Variants in CHRM3 observed in about 807,000 individuals in gnomAD.
CHRM3 encodes cholinergic receptor muscarinic 3, also known as muscarinic acetylcholine receptor M3.
Under a neutral mutation model 41.8 loss-of-function variants are expected in CHRM3, and 11 were observed. That is an observed-to-expected ratio of 0.26 (90% CI 0.17 to 0.44). The LOEUF is 0.44. Ranked by LOEUF, CHRM3 falls within the 20% of genes least tolerant of loss-of-function variation. The probability of loss-of-function intolerance (pLI) is 1.00; values close to 1 mark genes in which losing one functional copy is unlikely to be tolerated. For missense variants in CHRM3, 571 were observed against 745.4 expected (o/e 0.77, Z 2.72); for synonymous variants, 297 against 301.4 (o/e 0.99, Z 0.15).
intron 2 of CHRM3, among the ~76,000 whole-genome samples, chr1:239,526,766 A>G (rs938873831): frequency 6.6e-6 from 1 of 152,172 alleles, no homozygotes; most frequent in Non-Finnish European, 1.5e-5. Context: ...CACCCATATC[A>G]GTAACCACAT....
intron 5 of CHRM3, among the ~76,000 whole-genome samples, chr1:239,766,202 G>A (rs557002944): frequency 2.6e-5 from 4 of 152,188 alleles, no homozygotes; most frequent in East Asian, 1.9e-4. Flanking sequence ...CTGAAGCCCC[G>A]AGGGCTTATT....
chr1:239,857,115 G>A (rs1675185764), intron 6 of CHRM3, among the ~76,000 whole-genome samples: 1 of 152,172 alleles, frequency 6.6e-6, no homozygotes, highest in African/African-American at 2.4e-5. Context: ...TGCTTAGGAG[G>A]CTGTTTGATG....
rs528879793 is a variant in CHRM3 at position 239,723,797 on chromosome 1, C to T, written c.-147+45509C>T. Among the ~76,000 whole-genome samples, 6 of 151,928 alleles carry T rather than the reference C, an allele frequency of 3.9e-5. No homozygotes were observed. In the South Asian group the frequency reaches 8.3e-4, roughly 21 times the overall value. On this transcript the variant is annotated intron_variant, in intron 5 of 6. Transcript: ENST00000676153. ...ATACGTTTTAAGGCCCTCCTCTTCT[C>T]ACCATTTAGCCTCTTGGGATTCTAG...
chr1:239,834,869 A>G (rs1009822622), intron 6 of CHRM3, among the ~76,000 whole-genome samples: 26 of 152,318 alleles, frequency 1.7e-4, no homozygotes, highest in African/African-American at 6.0e-4. Flanking sequence ...GTACACCTTG[A>G]ATATATTTTC....
At chr1:239,458,027 T>C (rs1665082065) in intron 1 of CHRM3, among the ~76,000 whole-genome samples, 1 of 151,540 alleles carries the variant, frequency 6.6e-6, no homozygotes, top group Non-Finnish European at 1.5e-5. Flanking sequence ...GGAAAGTACG[T>C]GCCACAGGCC....
At chr1:239,647,366 C>A (rs993926858) in intron 4 of CHRM3, among the ~76,000 whole-genome samples, 1 of 152,084 alleles carries the variant, frequency 6.6e-6, no homozygotes, top group South Asian at 2.1e-4. Flanking sequence ...TACTATTGAC[C>A]TTTTGAAATT....
intron 5 of CHRM3, among the ~76,000 whole-genome samples, chr1:239,742,610 G>A (rs979592864): frequency 6.6e-5 from 10 of 152,132 alleles, no homozygotes; most frequent in East Asian, 5.8e-4. Context: ...AAGTCACACC[G>A]CCAGCCCCAC....
At chr1:239,502,845 G>A (rs1022540837) in intron 2 of CHRM3, among the ~76,000 whole-genome samples, 10 of 152,130 alleles carry the variant, frequency 6.6e-5, no homozygotes, top group African/African-American at 2.4e-4. Flanking sequence ...AAAAGCATTT[G>A]ACAAAATCCA....
At chr1:239,770,542 G>A (rs1572238012) in intron 5 of CHRM3, among the ~76,000 whole-genome samples, 2 of 152,130 alleles carry the variant, frequency 1.3e-5, no homozygotes, top group Admixed American at 1.3e-4. Context: ...CGATTTTAAG[G>A]GTTCAAGGAT....
intron 3 of CHRM3, among the ~76,000 whole-genome samples, chr1:239,591,933 A>G (rs774965017): frequency 6.6e-6 from 1 of 152,220 alleles, no homozygotes; most frequent in Non-Finnish European, 1.5e-5. Context: ...GCTTAGGCCC[A>G]GGAAATAAAA....
intron 4 of CHRM3, among the ~76,000 whole-genome samples, chr1:239,649,703 G>A (rs61834783): frequency 0.028 from 4,190 of 152,196 alleles, 91 homozygotes; most frequent in Admixed American, 0.056. Context: ...TGAGAAAGAG[G>A]ACTACTGCAG....
chr1:239,466,765 C>A (rs1665760110), intron 1 of CHRM3, among the ~76,000 whole-genome samples: 1 of 151,980 alleles, frequency 6.6e-6, no homozygotes, highest in African/African-American at 2.4e-5. Flanking sequence ...TATCTAGCCG[C>A]ATTTAGTATT....
chr1:239,680,405 T>G (rs1658443311), intron 5 of CHRM3, among the ~76,000 whole-genome samples: 1 of 152,122 alleles, frequency 6.6e-6, no homozygotes, highest in Non-Finnish European at 1.5e-5. Flanking sequence ...CAGTACCTTC[T>G]GCTTGGTCTT....
At chr1:239,679,386 T>C (rs528424311) in intron 5 of CHRM3, among the ~76,000 whole-genome samples, 29 of 152,152 alleles carry the variant, frequency 1.9e-4, no homozygotes, top group South Asian at 1.7e-3. Context: ...AGGTGTGAGC[T>C]CAAGACCTAA....
At chr1:239,459,843 C>A (rs1019562776) in intron 1 of CHRM3, among the ~76,000 whole-genome samples, 2 of 152,080 alleles carry the variant, frequency 1.3e-5, no homozygotes, top group Non-Finnish European at 2.9e-5. Context: ...AATGTAAATG[C>A]ATTAACAGAT....
intron 2 of CHRM3, among the ~76,000 whole-genome samples, chr1:239,498,102 G>A (rs553543716): frequency 3.3e-4 from 50 of 152,144 alleles, no homozygotes; most frequent in Non-Finnish European, 6.2e-4. Context: ...TGAGGTCCTA[G>A]TAGCGGGAAC....
At chr1:239,515,987 T>G (rs939609650) in intron 2 of CHRM3, among the ~76,000 whole-genome samples, 7 of 152,218 alleles carry the variant, frequency 4.6e-5, no homozygotes, top group African/African-American at 1.7e-4. Flanking sequence ...TGGTAATCTA[T>G]CTTTTACTAT....
intron 6 of CHRM3, among the ~76,000 whole-genome samples, chr1:239,841,031 G>T (rs1016888331): frequency 6.6e-6 from 1 of 152,130 alleles, no homozygotes; most frequent in African/African-American, 2.4e-5. Flanking sequence ...TTGCTCAGAG[G>T]CCATCCACCC....
At chr1:239,530,064 A>AT (rs1572614608) in intron 2 of CHRM3, among the ~76,000 whole-genome samples, 1 of 151,648 alleles carries the variant, frequency 6.6e-6, no homozygotes, top group Admixed American at 6.6e-5. Context: ...TGCCCAGCTA[A>AT]TTTTTTCTTT....
Sources: allele counts gnomAD v4.1 joint callset (sites outside exome capture counted in the v4.1 genomes callset), GRCh38; gene constraint gnomAD v4.1.1; transcripts MANE v1.5; gene names NCBI Gene and HGNC (gene_info 2026-07-23, HGNC 2026-07-21).